TOM1L1: variants seen among roughly 807,000 people sequenced by gnomAD.
TOM1L1 encodes the protein TOM1-like protein 1.
In TOM1L1, 64 loss-of-function variants were observed where a neutral mutation model predicts 63.4. The ratio of observed to expected loss-of-function variants is 1.01; its 90% CI spans 0.83 to 1.24. The LOEUF (loss-of-function observed/expected upper bound fraction) is 1.24. Ranked by LOEUF, TOM1L1 falls within the 50% of genes most tolerant of loss-of-function variation. TOM1L1 has a pLI of 0.00. For missense variants in TOM1L1, 536 were observed against 567.0 expected (o/e 0.95, Z 0.55); for synonymous variants, 166 against 194.4 (o/e 0.85, Z 1.22).
chr17:54,931,976 G>GTTTTTTTTTTT (rs2048869450), intron 8 of TOM1L1, among the ~76,000 whole-genome samples: 1 of 124,030 alleles, frequency 8.1e-6, no homozygotes, highest in East Asian at 2.2e-4. Flanking sequence ...TTGTTTGTTT[G>GTTTTTTTTTTT]TTTTTTTGAG....
At chr17:54,914,829 A>G in intron 6 of TOM1L1, 86 bp downstream of exon 6, 1 of 1,058,342 alleles carries the variant, frequency 9.4e-7, no homozygotes, top group Non-Finnish European at 1.5e-6. Context: ...CTGGTTAACA[A>G]CATTGAGATG....
chr17:54,903,031 A>G (rs1454350802), intron 1 of TOM1L1, among the ~76,000 whole-genome samples: 1 of 152,210 alleles, frequency 6.6e-6, no homozygotes, highest in Non-Finnish European at 1.5e-5. Context: ...CTTTGCAAGT[A>G]TTGGTTGAAG....
At chr17:54,953,215 C>T (rs1027358057) in intron 14 of TOM1L1, 3 of 143,852 alleles carry the variant, frequency 2.1e-5, no homozygotes, top group South Asian at 2.2e-4. Flanking sequence ...CTTGTCTCCA[C>T]AAACAAACAA....
At chr17:54,901,809 G>A (rs1286532424) in intron 1 of TOM1L1, among the ~76,000 whole-genome samples, 1 of 152,054 alleles carries the variant, frequency 6.6e-6, no homozygotes, top group Non-Finnish European at 1.5e-5. Flanking sequence ...CTGTGACACC[G>A]AACACACCAC....
chr17:54,906,927 C>A, intron 3 of TOM1L1: 2 of 479,822 alleles, frequency 4.2e-6, no homozygotes, highest in Non-Finnish European at 5.4e-6. Flanking sequence ...CGGCACTAAT[C>A]AGCCAACATC....
In TOM1L1 at chr17:54,961,490, A is replaced by T; in HGVS notation, c.*257A>T. On this transcript the variant is annotated 3_prime_UTR_variant, in exon 16 of 16. Coordinates refer to ENST00000575882, the MANE Select transcript of TOM1L1 (RefSeq NM_005486.3). ...AACTTCAGCAGAAGAAAAATTACTT[A>T]GTCCTTAGGCCAACCAATTTAACTG... 7.0e-7 allele frequency: 1 copy of T among 1,436,594 alleles called. No individual in the cohort carries two copies. 89.0% of individuals were successfully genotyped at this position (1,436,594 alleles called of 1,614,324 possible).
chr17:54,958,987 T>C (rs1959282844), intron 14 of TOM1L1, among the ~76,000 whole-genome samples: 2 of 152,110 alleles, frequency 1.3e-5, no homozygotes, highest in Non-Finnish European at 2.9e-5. Flanking sequence ...ACAATACAAA[T>C]GAAGATAAAC....
At chr17:54,924,865 G>T (rs2048742652) in intron 7 of TOM1L1, among the ~76,000 whole-genome samples, 2 of 152,070 alleles carry the variant, frequency 1.3e-5, no homozygotes, top group African/African-American at 4.8e-5. Context: ...TTTTCAATTT[G>T]ATGGCTGGTT....
At chr17:54,931,945 C>CGT (rs1254465766) in intron 8 of TOM1L1, among the ~76,000 whole-genome samples, 1 of 81,262 alleles carries the variant, frequency 1.2e-5, no homozygotes, top group South Asian at 3.4e-4. Context: ...TTTCTTTTTT[C>CGT]TTCGTTTTTT....
At chr17:54,932,610 G>A (rs9912589) in intron 8 of TOM1L1, among the ~76,000 whole-genome samples, 43,835 of 151,908 alleles carry the variant, frequency 0.29, 6,354 homozygotes, top group Middle Eastern at 0.31. Flanking sequence ...TAGTAGAAAC[G>A]GGGTTTCACC....
At chr17:54,938,321 CT>C (rs1174808991) in intron 10 of TOM1L1, among the ~76,000 whole-genome samples, 2 of 151,886 alleles carry the variant, frequency 1.3e-5, no homozygotes, top group Admixed American at 1.3e-4. Context: ...TGGCAAAGCC[CT>C]GTCTCTACTA....
chr17:54,917,719 C>T (rs1183544209), intron 7 of TOM1L1, among the ~76,000 whole-genome samples: 1 of 152,136 alleles, frequency 6.6e-6, no homozygotes. Flanking sequence ...GACTCTCTGC[C>T]AGCTGGTCTG....
chr17:54,941,247 TAGTGTTTTGTTTAAATACTTATGTA>T (rs2049028545), intron 11 of TOM1L1, among the ~76,000 whole-genome samples: 1 of 152,242 alleles, frequency 6.6e-6, no homozygotes, highest in Non-Finnish European at 1.5e-5. Context: ...AAAAGTTTCC[TAGTGTTTTGTTTAAATACTTATGTA>T]CCCAATCACT....
At position 54,912,807 on chromosome 17, in the gene TOM1L1, T is replaced by G. The variant is rs2048518061; in HGVS notation, c.364T>G (p.Phe122Val). 6.2e-7 allele frequency: 1 copy of G among 1,603,238 alleles called. No homozygotes were observed. The highest frequency in any genetic ancestry group is 1.3e-5 in the African/African-American group (1 of 74,232). Residue 122 changes from phenylalanine to valine, a missense_variant, in exon 4 of 16, where the codon TTC (phenylalanine) becomes GTC (valine). Transcript: ENST00000575882. ...AGACATTCAGAATAGAATCTTGAAT[T>G]TCATTAAGGTAAGTCTGTTGTATAC... is the stretch of plus-strand genomic sequence containing the variant. ...PLDIQNRILN[F>V]IKTWSQGFPG...
rs2048537567 is a variant in TOM1L1 at position 54,913,792 on chromosome 17, C to T, written c.417C>T (p.Val139=). The T allele has an allele frequency of 6.2e-7, 1 of 1,611,378 alleles. No individual in the cohort carries two copies. Among genetic ancestry groups the T allele is most frequent in the East Asian group, 2.2e-5 (1 of 44,620 alleles). The change falls in exon 5 of 16, where the codon GTC becomes GTT. Residue 139 remains valine, a synonymous_variant. Coordinates refer to ENST00000575882, the MANE Select transcript of TOM1L1 (RefSeq NM_005486.3). ...GFPGGVDVSE[V]KEVYLDLVKK... The stretch of plus-strand genomic sequence containing the variant: ...CAGGAGGTGTGGATGTAAGCGAAGT[C>T]AAAGAAGTATACCTCGACCTGGTTA...
At chr17:54,933,931 G>C (rs1433037218) in intron 8 of TOM1L1, among the ~76,000 whole-genome samples, 1 of 152,112 alleles carries the variant, frequency 6.6e-6, no homozygotes, top group Non-Finnish European at 1.5e-5. Context: ...GCAGGGAAGG[G>C]GGCTTCCAGG....
chr17:54,948,675 G>C (rs902870343), intron 12 of TOM1L1, among the ~76,000 whole-genome samples: 1 of 152,212 alleles, frequency 6.6e-6, no homozygotes, highest in Admixed American at 6.5e-5. Context: ...TTGATTGTCT[G>C]AGTCATGAGG....
chr17:54,947,049 C>T (rs67497871), intron 11 of TOM1L1, among the ~76,000 whole-genome samples: 44,773 of 152,062 alleles, frequency 0.29, 6,931 homozygotes, highest in African/African-American at 0.35. Flanking sequence ...GTTCCGTGCA[C>T]ACTCCACAGT....
intron 11 of TOM1L1, among the ~76,000 whole-genome samples, chr17:54,946,160 G>A (rs539059745): frequency 2.6e-5 from 4 of 152,154 alleles, no homozygotes; most frequent in Non-Finnish European, 5.9e-5. Context: ...CCTGTGGTCA[G>A]TCTAAGGTGG....
Sources: allele counts gnomAD v4.1 joint callset (sites outside exome capture counted in the v4.1 genomes callset), GRCh38; gene constraint gnomAD v4.1.1; transcripts MANE v1.5; gene names NCBI Gene and HGNC (gene_info 2026-07-23, HGNC 2026-07-21).